The following PARD3B variants were observed in gnomAD, a reference collection of about 807,000 sequenced individuals.
PARD3B encodes par-3 family cell polarity regulator beta, also known as partitioning defective 3 homolog B.
Under a neutral mutation model 130.2 loss-of-function variants are expected in PARD3B, and 103 were observed. That is an observed-to-expected ratio of 0.79 (90% CI 0.67 to 0.93). The LOEUF (loss-of-function observed/expected upper bound fraction) is 0.93, where lower values mean the gene tolerates loss of function less well. Among genes scored for constraint, PARD3B ranks in the 40% least tolerant of loss-of-function variants. The probability of loss-of-function intolerance (pLI) is 0.00; values close to 1 mark genes in which losing one functional copy is unlikely to be tolerated. For missense variants in PARD3B, 1,609 were observed against 1,499.2 expected, an observed-to-expected ratio of 1.07 and a Z score of -1.21; for synonymous variants, 583 against 553.2, an observed-to-expected ratio of 1.05 and a Z score of -0.76.
At chr2:205,023,659 C>T (rs1436503593) in intron 3 of PARD3B, among the ~76,000 whole-genome samples, 2 of 150,856 alleles carry the variant, frequency 1.3e-5, no homozygotes, top group Non-Finnish European at 2.9e-5. Context: ...TTCAATACTG[C>T]AGCCAGGAAA....
intron 21 of PARD3B, among the ~76,000 whole-genome samples, chr2:205,520,995 A>G (rs1475669857): frequency 6.6e-6 from 1 of 151,392 alleles, no homozygotes; most frequent in Non-Finnish European, 1.5e-5. Flanking sequence ...ATAAATCAAT[A>G]TAAGATACTA....
At chr2:204,942,098 TAA>T (rs1390857773) in intron 2 of PARD3B, among the ~76,000 whole-genome samples, 1 of 152,196 alleles carries the variant, frequency 6.6e-6, no homozygotes, top group East Asian at 1.9e-4. Context: ...AAAATTGAAC[TAA>T]GTTGGGTTTT....
In PARD3B at chr2:205,569,496, A is replaced by G. The variant is rs79684488; in HGVS notation, c.3260+16093A>G. Among the ~76,000 whole-genome samples the G allele has an allele frequency of 3.5e-3, 538 of 152,272 alleles. 17 individuals carry two copies. In the East Asian group the frequency reaches 0.084, roughly 24 times the overall value. ...TACAGCAGGAATGCTTTGAACATCC[A>G]TGTCATTTTAAGTAGTAATGTGATT... On this transcript the variant is annotated intron_variant, in intron 22 of 22. Transcript: ENST00000406610.
chr2:204,654,703 G>A (rs1202654729), intron 1 of PARD3B, among the ~76,000 whole-genome samples: 1 of 152,152 alleles, frequency 6.6e-6, no homozygotes, highest in African/African-American at 2.4e-5. Context: ...TGTTTTACCA[G>A]GAACTGGAAC....
chr2:205,188,660 G>A (rs111750617), intron 14 of PARD3B, among the ~76,000 whole-genome samples: 260 of 152,174 alleles, frequency 1.7e-3, no homozygotes, highest in African/African-American at 6.0e-3. Context: ...CATCCTGCAA[G>A]CTGCTGCGTT....
At position 205,133,765 on chromosome 2, in the gene PARD3B, C is replaced by A. The variant is rs148550003; in HGVS notation, c.1434+8028C>A. Among the ~76,000 whole-genome samples, 27 of 152,294 alleles carry A rather than the reference C, an allele frequency of 1.8e-4. No homozygotes were observed. The East Asian group carries it at 4.8e-3, about 27-fold the overall frequency. On this transcript the variant is annotated intron_variant, in intron 10 of 22. Coordinates refer to ENST00000406610, the MANE Select transcript of PARD3B (RefSeq NM_001302769.2). ...GCAATGCAGTTACCCAACTCAATTA[C>A]CCCTGATTCATTTAGGCAAACTCAA... is the stretch of plus-strand genomic sequence containing the variant.
At chr2:205,172,120 T>C in intron 11 of PARD3B, 91 bp from the exon 12 acceptor site, 1 of 1,335,224 alleles carries the variant, frequency 7.5e-7, no homozygotes, top group Non-Finnish European at 1.0e-6. Flanking sequence ...TTTCTTTTTT[T>C]CATTTTTAAA....
chr2:205,578,341 T>C (rs984766775), intron 22 of PARD3B, among the ~76,000 whole-genome samples: 2 of 152,174 alleles, frequency 1.3e-5, no homozygotes, highest in African/African-American at 4.8e-5. Context: ...CCCTTGTCAA[T>C]ACCATGACCA....
At chr2:205,489,748 T>G (rs2049618585) in intron 20 of PARD3B, among the ~76,000 whole-genome samples, 1 of 152,028 alleles carries the variant, frequency 6.6e-6, no homozygotes, top group South Asian at 2.1e-4. Context: ...ACTGGCTTAT[T>G]ATGGTGAACT....
At chr2:204,619,470 A>G (rs1392412387) in intron 1 of PARD3B, among the ~76,000 whole-genome samples, 1 of 152,208 alleles carries the variant, frequency 6.6e-6, no homozygotes, top group African/African-American at 2.4e-5. Flanking sequence ...TATATATATA[A>G]TATGCTTCAC....
At chr2:205,170,739 T>C (rs2035119766) in intron 11 of PARD3B, among the ~76,000 whole-genome samples, 1 of 152,154 alleles carries the variant, frequency 6.6e-6, no homozygotes, top group African/African-American at 2.4e-5. Context: ...AGCTGTCTGG[T>C]TGGTTTCTAT....
intron 2 of PARD3B, among the ~76,000 whole-genome samples, chr2:204,937,377 A>T (rs1172522086): frequency 6.6e-6 from 1 of 152,006 alleles, no homozygotes; most frequent in Admixed American, 6.5e-5. Flanking sequence ...AGTTCCTTGG[A>T]TTTCTTTTGC....
chr2:205,247,212 TC>T (rs1185304267), intron 16 of PARD3B, among the ~76,000 whole-genome samples: 1 of 152,190 alleles, frequency 6.6e-6, no homozygotes, highest in Non-Finnish European at 1.5e-5. Context: ...TCTGGCTTTT[TC>T]CAGGAAATCA....
In PARD3B at chr2:205,397,780, T is replaced by C. The variant is rs2046083497; in HGVS notation, c.2631-3233T>C. 6.6e-6 allele frequency among the ~76,000 whole-genome samples: 1 copy of C among 152,194 alleles called. No homozygotes were observed. Among genetic ancestry groups the C allele is most frequent in the Non-Finnish European group, 1.5e-5 (1 of 68,030 alleles). On this transcript the variant is annotated intron_variant, in intron 18 of 22. Coordinates refer to ENST00000406610, the MANE Select transcript of PARD3B (RefSeq NM_001302769.2). This position sits in a 1 kb window ranked among gnomAD's most constrained non-coding sequence, Gnocchi z 4.8. Reference sequence around the variant, plus strand: ...TGAATATTTTGCCCAAACATTACTATATTTAATGACATTTTAAGCAAAAGT... The same window carrying C: ...TGAATATTTTGCCCAAACATTACTACATTTAATGACATTTTAAGCAAAAGT...
At chr2:205,150,208 G>GCT (rs1491118085) in intron 10 of PARD3B, among the ~76,000 whole-genome samples, 9 of 123,260 alleles carry the variant, frequency 7.3e-5, no homozygotes, top group South Asian at 3.1e-4. Flanking sequence ...CGCCAGCCAG[G>GCT]CTCTGTGTGT....
chr2:204,706,449 G>GA (rs2038164241), intron 2 of PARD3B, among the ~76,000 whole-genome samples: 1 of 151,972 alleles, frequency 6.6e-6, no homozygotes, highest in South Asian at 2.1e-4. Flanking sequence ...ACAGTGGGGA[G>GA]AAAAAAGTCA....
At chr2:205,485,042 A>T (rs2049386011) in intron 20 of PARD3B, among the ~76,000 whole-genome samples, 1 of 152,184 alleles carries the variant, frequency 6.6e-6, no homozygotes, top group South Asian at 2.1e-4. Flanking sequence ...CATGGCAGAT[A>T]CTCAGGCATT....
chr2:205,128,808 T>G lies in PARD3B; in HGVS notation c.1434+3071T>G, dbSNP rs2031711416. On this transcript the variant is annotated intron_variant, in intron 10 of 22. Transcript: ENST00000406610. The surrounding 1 kb of genome is among the most constrained non-coding windows in gnomAD (Gnocchi z 4.5). Reference sequence around the variant, plus strand: ...CACTATTTTTGAACAATGATTGTTTTATTTTTTTATTATTTTATAATGTAT... The same window carrying G: ...CACTATTTTTGAACAATGATTGTTTGATTTTTTTATTATTTTATAATGTAT... Among the ~76,000 whole-genome samples the G allele has an allele frequency of 6.6e-6, 1 of 152,224 alleles. No homozygotes were observed. The highest frequency in any genetic ancestry group is 2.4e-5 in the African/African-American group (1 of 41,454).
chr2:205,542,380 G>GTA (rs1553540501), intron 21 of PARD3B, among the ~76,000 whole-genome samples: 7 of 147,646 alleles, frequency 4.7e-5, no homozygotes, highest in Non-Finnish European at 1.1e-4. Flanking sequence ...GTGTGTGTGT[G>GTA]TGTATGTATG....
Sources: allele counts gnomAD v4.1 joint callset (sites outside exome capture counted in the v4.1 genomes callset), GRCh38; gene constraint gnomAD v4.1.1; non-coding constraint Gnocchi (gnomAD v3.1); transcripts MANE v1.5; gene names NCBI Gene and HGNC (gene_info 2026-07-23, HGNC 2026-07-21).